The following GABRB1 variants were observed in gnomAD, a reference collection of about 807,000 sequenced individuals.
The protein encoded by GABRB1 is gamma-aminobutyric acid type A receptor subunit beta1.
GABRB1 carries 17 observed loss-of-function variants against 51.6 expected under a neutral mutation model. The ratio of observed to expected loss-of-function variants is 0.33; its 90% confidence interval spans 0.23 to 0.49. The LOEUF is 0.49. Among genes scored for constraint, GABRB1 ranks in the 20% least tolerant of loss-of-function variants. GABRB1 has a pLI of 0.99. For missense variants in GABRB1, 410 were observed against 600.6 expected (o/e 0.68, Z 3.32); for synonymous variants, 247 against 218.9 (o/e 1.13, Z -1.14).
rs1725480202 is a variant in GABRB1, at chr4:47,034,789, G to C, written c.240+2305G>C. ...GAGGGTTCTGTATAAACACAACTCA[G>C]ATGGTTAGCCCGCACCCCCAAAAGA... is the stretch of plus-strand genomic sequence containing the variant. On this transcript the variant is annotated intron_variant, in intron 3 of 8. Transcript: ENST00000295454. Among the ~76,000 whole-genome samples, 5 of 152,206 alleles carry C rather than the reference G, an allele frequency of 3.3e-5. No individual in the cohort carries two copies. The South Asian group carries it at 1.0e-3, about 32-fold the overall frequency.
chr4:47,070,521 A>G (rs1345383503), intron 3 of GABRB1, among the ~76,000 whole-genome samples: 1 of 149,932 alleles, frequency 6.7e-6, no homozygotes, highest in Non-Finnish European at 1.5e-5. Flanking sequence ...TAGTACAGAC[A>G]GGGTTTCACC....
chr4:47,316,007 C>A (rs1431745802), intron 4 of GABRB1, among the ~76,000 whole-genome samples: 3 of 149,872 alleles, frequency 2.0e-5, no homozygotes, highest in Admixed American at 6.7e-5. Flanking sequence ...ACCTGTATAA[C>A]AAACCTGCAT....
Position 47,391,371 on chromosome 4 carries a change from T to C in GABRB1, c.545-11947T>C, listed in dbSNP as rs1479104436. 2.6e-5 allele frequency among the ~76,000 whole-genome samples: 4 copies of C among 152,208 alleles called. No homozygotes were observed. In the East Asian group the frequency reaches 5.8e-4, roughly 22 times the overall value. Reference sequence around the variant, plus strand: ...TAAAATCTCTATTGATCAGTAGTCATAGTCCAGCTTTTTTATTTTGTGTAG... The same window carrying C: ...TAAAATCTCTATTGATCAGTAGTCACAGTCCAGCTTTTTTATTTTGTGTAG... On this transcript the variant is annotated intron_variant, in intron 5 of 8. Coordinates refer to ENST00000295454, the MANE Select transcript of GABRB1 (RefSeq NM_000812.4).
intron 4 of GABRB1, among the ~76,000 whole-genome samples, chr4:47,168,035 T>C (rs1002983232): frequency 6.6e-6 from 1 of 152,204 alleles, no homozygotes; most frequent in Non-Finnish European, 1.5e-5. Flanking sequence ...TGAGTGTGTA[T>C]GTAGGTCTGT....
rs544335781 is a variant in GABRB1 at position 47,376,508 on chromosome 4, C to G, written c.545-26810C>G. Among the ~76,000 whole-genome samples, 371 of 152,198 alleles carry G rather than the reference C, an allele frequency of 2.4e-3. 1 individual carries two copies. Among genetic ancestry groups the G allele is most frequent in the African/African-American group, 8.8e-3 (367 of 41,532 alleles). ...AAAAATACAAAAAAATTAGCCGGGC[C>G]TAGTGGCGGCCGCCTGTAGTCCCAG... On this transcript the variant is annotated intron_variant, in intron 5 of 8. Coordinates refer to ENST00000295454, the MANE Select transcript of GABRB1 (RefSeq NM_000812.4).
At chr4:47,169,531 T>C (rs1043666440) in intron 4 of GABRB1, among the ~76,000 whole-genome samples, 6 of 152,010 alleles carry the variant, frequency 3.9e-5, no homozygotes, top group Non-Finnish European at 2.9e-5. Context: ...GACTGAGTTT[T>C]GCTCTTGTTG....
intron 4 of GABRB1, among the ~76,000 whole-genome samples, chr4:47,210,379 A>G (rs1339663606): frequency 6.6e-6 from 1 of 152,130 alleles, no homozygotes; most frequent in Non-Finnish European, 1.5e-5. Flanking sequence ...TAGAATGATA[A>G]ATTATCCACA....
chr4:47,202,820 T>G (rs547006975), intron 4 of GABRB1, among the ~76,000 whole-genome samples: 2 of 152,244 alleles, frequency 1.3e-5, no homozygotes, highest in South Asian at 2.1e-4. Context: ...CAATGCCACT[T>G]CTTTTGAGTT....
At chr4:47,239,715 T>C (rs1721456205) in intron 4 of GABRB1, among the ~76,000 whole-genome samples, 1 of 152,214 alleles carries the variant, frequency 6.6e-6, no homozygotes, top group Admixed American at 6.5e-5. Context: ...AACCCTCTCC[T>C]CAGAAGCAAG....
intron 3 of GABRB1, among the ~76,000 whole-genome samples, chr4:47,112,919 T>A (rs1715292987): frequency 6.6e-6 from 1 of 152,202 alleles, no homozygotes; most frequent in Non-Finnish European, 1.5e-5. Context: ...TAAATCTATA[T>A]TTCCTTTATC....
chr4:47,031,603 A>G lies in GABRB1; in HGVS notation c.-49A>G. On this transcript the variant is annotated 5_prime_UTR_variant, in exon 1 of 9. Transcript: ENST00000295454. ...ACTGCCCAGCAGCCGACTAAGTTGC[A>G]TTCCTTGAATCTTCGCAGAAAAGAC... 6.6e-7 allele frequency: 1 copy of G among 1,506,156 alleles called. No individual in the cohort carries two copies. Among genetic ancestry groups the G allele is most frequent in the Non-Finnish European group, 9.2e-7 (1 of 1,081,950 alleles). 93.3% of individuals were successfully genotyped at this position (1,506,156 alleles called of 1,614,324 possible). A position where few individuals can be genotyped will look rare whatever the true frequency, so the allele number is the denominator to read the frequency against.
At chr4:47,304,165 C>A (rs113486670) in intron 4 of GABRB1, among the ~76,000 whole-genome samples, 4 of 151,902 alleles carry the variant, frequency 2.6e-5, no homozygotes, top group Non-Finnish European at 5.9e-5. Context: ...ACCCAGTAGA[C>A]GGATTGCAGG....
At chr4:47,106,443 A>G (rs943184367) in intron 3 of GABRB1, among the ~76,000 whole-genome samples, 10 of 152,106 alleles carry the variant, frequency 6.6e-5, no homozygotes, top group African/African-American at 2.2e-4. Context: ...AAAAAAATCT[A>G]TATTAAGTTT....
intron 4 of GABRB1, among the ~76,000 whole-genome samples, chr4:47,241,858 G>A (rs1256558091): frequency 6.6e-6 from 1 of 151,396 alleles, no homozygotes; most frequent in Non-Finnish European, 1.5e-5. Flanking sequence ...TTCATTAAAG[G>A]TTTTTTTTAT....
intron 1 of GABRB1, among the ~76,000 whole-genome samples, chr4:46,997,002 G>A (rs937898660): frequency 2.6e-5 from 4 of 152,088 alleles, no homozygotes; most frequent in Non-Finnish European, 2.9e-5. Context: ...GAATTTAGAA[G>A]CTATTGACAA....
chr4:47,062,048 CT>C (rs1482511896), intron 3 of GABRB1, among the ~76,000 whole-genome samples: 1 of 152,004 alleles, frequency 6.6e-6, no homozygotes, highest in Non-Finnish European at 1.5e-5. Context: ...ATTATGAGGC[CT>C]TTTCATTTAT....
intron 3 of GABRB1, among the ~76,000 whole-genome samples, chr4:47,105,000 G>GCT (rs765578105): frequency 1.4e-4 from 22 of 151,974 alleles, no homozygotes; most frequent in Non-Finnish European, 2.5e-4. Context: ...TGCATCTCAT[G>GCT]TTTTTTGGTT....
chr4:47,374,636 C>T (rs545297749), intron 5 of GABRB1, among the ~76,000 whole-genome samples: 3 of 152,286 alleles, frequency 2.0e-5, no homozygotes, highest in Admixed American at 6.5e-5. Flanking sequence ...GAGTCATAGC[C>T]TCCTGCAGCA....
intron 3 of GABRB1, among the ~76,000 whole-genome samples, chr4:47,139,074 C>T (rs1214530770): frequency 6.6e-6 from 1 of 152,008 alleles, no homozygotes; most frequent in Non-Finnish European, 1.5e-5. Flanking sequence ...TCCTTCTGGA[C>T]CTTGTTTCTC....
Sources: allele counts gnomAD v4.1 joint callset (sites outside exome capture counted in the v4.1 genomes callset), GRCh38; gene constraint gnomAD v4.1.1; transcripts MANE v1.5; gene names NCBI Gene and HGNC (gene_info 2026-07-23, HGNC 2026-07-21).